The following LHFPL2 variants were observed in gnomAD, a reference collection of about 807,000 sequenced individuals.
LHFPL2 encodes the protein LHFPL tetraspan subfamily member 2 protein.
A neutral mutation model predicts 17.5 loss-of-function variants in LHFPL2; 7 were observed. The ratio of observed to expected loss-of-function variants is 0.40; its 90% CI spans 0.23 to 0.75. The LOEUF is 0.75. Among genes scored for constraint, LHFPL2 ranks in the 30% least tolerant of loss-of-function variants. The pLI is 0.37. For missense variants in LHFPL2, 241 were observed against 294.8 expected, an observed-to-expected ratio of 0.82 and a Z score of 1.34; for synonymous variants, 134 against 116.2, an observed-to-expected ratio of 1.15 and a Z score of -0.99.
intron 2 of LHFPL2, among the ~76,000 whole-genome samples, chr5:78,576,122 C>T (rs1008836226): frequency 6.6e-6 from 1 of 152,088 alleles, no homozygotes; most frequent in African/African-American, 2.4e-5. Context: ...GGTGAAACCC[C>T]GTCTCCACTA....
chr5:78,604,578 G>A (rs1225848182), intron 2 of LHFPL2, among the ~76,000 whole-genome samples: 1 of 152,186 alleles, frequency 6.6e-6, no homozygotes, highest in African/African-American at 2.4e-5. Flanking sequence ...TAATAAAGAA[G>A]CCCAAACTGT....
At chr5:78,607,262 G>A (rs939380068) in intron 2 of LHFPL2, among the ~76,000 whole-genome samples, 6 of 151,428 alleles carry the variant, frequency 4.0e-5, no homozygotes, top group East Asian at 4.0e-4. Flanking sequence ...ACAGGCACCC[G>A]CCACCACCTC....
intron 3 of LHFPL2, among the ~76,000 whole-genome samples, chr5:78,556,711 A>G (rs568633460): frequency 2.6e-5 from 4 of 152,354 alleles, no homozygotes; most frequent in African/African-American, 9.6e-5. Context: ...GGAACTTATA[A>G]TGACATGAGG....
At position 78,488,883 on chromosome 5, in the gene LHFPL2, T is replaced by TTGTCTCTTCCAAAC; in HGVS notation, c.687_*13dup. Reference sequence around the variant, plus strand: ...AGATTACTCAAGGGAGAAAATGGCATTGTCTCTTCCAAACTAAAGGAGGCA... The same window carrying TTGTCTCTTCCAAAC: ...AGATTACTCAAGGGAGAAAATGGCATTGTCTCTTCCAAACTGTCTCTTCCAAACTAAAGGAGGCA... On this transcript the variant is annotated 3_prime_UTR_variant, in exon 5 of 5. Coordinates refer to ENST00000380345, the MANE Select transcript of LHFPL2 (RefSeq NM_005779.3). 1 of 1,612,702 alleles carries TTGTCTCTTCCAAAC rather than the reference T, an allele frequency of 6.2e-7. No homozygotes were observed. Among genetic ancestry groups the TTGTCTCTTCCAAAC allele is most frequent in the Non-Finnish European group, 8.5e-7 (1 of 1,179,232 alleles).
intron 3 of LHFPL2, among the ~76,000 whole-genome samples, chr5:78,531,876 C>T (rs1755793603): frequency 6.6e-6 from 1 of 152,098 alleles, no homozygotes; most frequent in South Asian, 2.1e-4. Context: ...ATCCTCCTAC[C>T]TCAGCCTCCT....
chr5:78,636,170 C>T (rs1034523354), intron 1 of LHFPL2, among the ~76,000 whole-genome samples: 1 of 152,122 alleles, frequency 6.6e-6, no homozygotes, highest in African/African-American at 2.4e-5. Flanking sequence ...TGAAGAGTGC[C>T]CCACACTCCA....
intron 4 of LHFPL2, among the ~76,000 whole-genome samples, chr5:78,503,193 C>T (rs2112309249): frequency 6.6e-6 from 1 of 152,278 alleles, no homozygotes; most frequent in East Asian, 1.9e-4. Flanking sequence ...CAGAACTGCT[C>T]ATGTAAATAT....
At chr5:78,583,834 T>G in intron 2 of LHFPL2, among the ~76,000 whole-genome samples, 1 of 149,864 alleles carries the variant, frequency 6.7e-6, no homozygotes. Context: ...TGGCCTGCCT[T>G]GCTAGATTGG....
In LHFPL2 at chr5:78,486,768, G is replaced by C. The variant is rs549034091; in HGVS notation, c.*2129C>G. The C allele has an allele frequency of 6.6e-6, 1 of 152,294 alleles. No homozygotes were observed. The highest frequency in any genetic ancestry group is 1.9e-4 in the East Asian group (1 of 5,180). The allele number at this position is 152,294 out of a possible 1,614,324, so 9.4% of individuals were successfully genotyped here. A position where few individuals can be genotyped will look rare whatever the true frequency, so the allele number is the denominator to read the frequency against. On this transcript the variant is annotated 3_prime_UTR_variant, in exon 5 of 5. Coordinates refer to ENST00000380345, the MANE Select transcript of LHFPL2 (RefSeq NM_005779.3). ...GATCTAGAGGTACACTGCCACCTTA[G>C]CCAAAGAGCAGGTGATGGACATGCT...
intron 2 of LHFPL2, among the ~76,000 whole-genome samples, chr5:78,586,878 T>G (rs1184554187): frequency 6.6e-6 from 1 of 152,244 alleles, no homozygotes; most frequent in Non-Finnish European, 1.5e-5. Context: ...ATATTCTTTT[T>G]ATATATACCA....
chr5:78,558,201 A>T (rs1756631805), intron 3 of LHFPL2, among the ~76,000 whole-genome samples: 1 of 152,248 alleles, frequency 6.6e-6, no homozygotes. Context: ...AAAAATATAT[A>T]CAGCTATTAT....
chr5:78,600,971 A>C (rs1743992147), intron 2 of LHFPL2, among the ~76,000 whole-genome samples: 2 of 152,204 alleles, frequency 1.3e-5, no homozygotes, highest in Non-Finnish European at 2.9e-5. Flanking sequence ...AAACTCCAAA[A>C]ACACTAGAAA....
intron 3 of LHFPL2, among the ~76,000 whole-genome samples, chr5:78,558,146 G>T (rs1756630491): frequency 6.6e-6 from 1 of 152,184 alleles, no homozygotes; most frequent in South Asian, 2.1e-4. Flanking sequence ...AGCAGGGTTT[G>T]CTGTGGTTTG....
rs550148083 is a variant in LHFPL2, at chr5:78,558,973, C to A, written c.-186+5840G>T. ...AGTGCACCTCCTGTGCCACAGAGAG[C>A]TGCCCTGTTCCTGTCCAAAGCTAAC... is the stretch of plus-strand genomic sequence containing the variant. On this transcript the variant is annotated intron_variant, in intron 3 of 4. Transcript: ENST00000380345. Among the ~76,000 whole-genome samples the A allele has an allele frequency of 8.5e-5, 13 of 152,298 alleles. No homozygotes were observed. The South Asian group carries it at 2.7e-3, about 32-fold the overall frequency.
chr5:78,539,210 C>A (rs1756034888), intron 3 of LHFPL2, among the ~76,000 whole-genome samples: 1 of 152,186 alleles, frequency 6.6e-6, no homozygotes, highest in Admixed American at 6.5e-5. Context: ...GACACAACAG[C>A]AAGGTGCCAT....
At chr5:78,582,222 C>A (rs1249028569) in intron 2 of LHFPL2, among the ~76,000 whole-genome samples, 1 of 152,046 alleles carries the variant, frequency 6.6e-6, no homozygotes, top group African/African-American at 2.4e-5. Flanking sequence ...TTTGTTGATC[C>A]TTTCAAAAAA....
At chr5:78,500,782 A>C (rs1302770414) in intron 4 of LHFPL2, among the ~76,000 whole-genome samples, 1 of 152,144 alleles carries the variant, frequency 6.6e-6, no homozygotes, top group East Asian at 1.9e-4. Flanking sequence ...AACTTTTTCA[A>C]AGTCCAAGCA....
intron 4 of LHFPL2, among the ~76,000 whole-genome samples, chr5:78,507,938 G>A (rs1440927913): frequency 1.3e-5 from 1 of 74,836 alleles, no homozygotes; most frequent in Non-Finnish European, 2.6e-5. Flanking sequence ...ATATACACAT[G>A]CATACACACA....
chr5:78,575,647 G>GT (rs1757110550), intron 2 of LHFPL2, among the ~76,000 whole-genome samples: 1 of 152,180 alleles, frequency 6.6e-6, no homozygotes, highest in Non-Finnish European at 1.5e-5. Flanking sequence ...TAATGAATGT[G>GT]TCTTTTTAAA....
Sources: gnomAD v4.1 joint callset for allele counts (sites outside exome capture counted in the v4.1 genomes callset) on GRCh38, gnomAD v4.1.1 for gene constraint, MANE v1.5 for transcripts, NCBI Gene and HGNC (gene_info 2026-07-23, HGNC 2026-07-21) for gene names.